Variants in FOCAD observed in about 807,000 individuals in gnomAD.
FOCAD encodes KIAA1797.
Under a neutral mutation model 225.6 loss-of-function variants are expected in FOCAD, and 198 were observed. The ratio of observed to expected loss-of-function variants is 0.88; its 90% confidence interval spans 0.78 to 0.99. FOCAD has a LOEUF of 0.99. FOCAD is among the 50% of genes least tolerant of loss of function. The pLI, the probability that FOCAD is intolerant of heterozygous loss-of-function variation, is 0.00. For missense variants in FOCAD, 2,713 were observed against 2,123.6 expected (o/e 1.28, Z -5.46); for synonymous variants, 897 against 755.0 (o/e 1.19, Z -3.08).
intron 16 of FOCAD, among the ~76,000 whole-genome samples, chr9:20,864,808 A>G (rs942461237): frequency 6.6e-6 from 1 of 152,090 alleles, no homozygotes; most frequent in Non-Finnish European, 1.5e-5. Context: ...AATATAGTCA[A>G]CCCTATTTTT....
At chr9:20,944,535 G>C (rs1836985375) in intron 28 of FOCAD, 92 bp from the exon 29 acceptor site, 1 of 1,428,598 alleles carries the variant, frequency 7.0e-7, no homozygotes, top group East Asian at 2.3e-5. Context: ...ATCTCACCAA[G>C]GTTTGAGAGC....
At chr9:20,776,881 G>A (rs994351941) in intron 8 of FOCAD, among the ~76,000 whole-genome samples, 15 of 152,264 alleles carry the variant, frequency 9.9e-5, no homozygotes, top group African/African-American at 3.1e-4. Flanking sequence ...AAATTAAAAT[G>A]AAATAGAGGA....
At chr9:20,798,095 TTGAGATAATCATG>T (rs1181419368) in intron 11 of FOCAD, among the ~76,000 whole-genome samples, 1 of 152,198 alleles carries the variant, frequency 6.6e-6, no homozygotes, top group Non-Finnish European at 1.5e-5. Flanking sequence ...TCTGCATCTA[TTGAGATAATCATG>T]TGGTTTTTGT....
At chr9:20,665,857 C>A (rs1181437308) in intron 2 of FOCAD, among the ~76,000 whole-genome samples, 4 of 151,766 alleles carry the variant, frequency 2.6e-5, no homozygotes, top group African/African-American at 9.7e-5. Context: ...ATGGTGAAAC[C>A]CTGTCTCTAC....
intron 42 of FOCAD, among the ~76,000 whole-genome samples, chr9:20,991,024 C>A (rs1234213648): frequency 6.6e-6 from 1 of 152,118 alleles, no homozygotes; most frequent in African/African-American, 2.4e-5. Flanking sequence ...AGTCTAGTTC[C>A]TCTTCTGGAG....
Position 20,822,986 on chromosome 9 carries a change from T to C in FOCAD, c.1794-3T>C. ...TTTGCTTTTAAACTTTCATTTCTTGTAGGCCATATCAACATGGTGCAGATA... is the reference window on the plus strand; with the variant it reads ...TTTGCTTTTAAACTTTCATTTCTTGCAGGCCATATCAACATGGTGCAGATA... On this transcript the variant is annotated splice_polypyrimidine_tract_variant and splice_region_variant and intron_variant, in intron 14 of 43. Transcript: ENST00000338382. The C allele has an allele frequency of 1.3e-6, 2 of 1,580,620 alleles. No homozygotes were observed. The highest frequency in any genetic ancestry group is 1.7e-6 in the Non-Finnish European group (2 of 1,168,638).
chr9:20,830,614 G>A (rs1393254042), intron 15 of FOCAD, among the ~76,000 whole-genome samples: 1 of 151,994 alleles, frequency 6.6e-6, no homozygotes, highest in Admixed American at 6.6e-5. Context: ...ACTTTCCGTT[G>A]AATGAAAATA....
At chr9:20,795,779 G>A (rs7872886) in intron 11 of FOCAD, among the ~76,000 whole-genome samples, 3,383 of 66,676 alleles carry the variant, frequency 0.051, 197 homozygotes, top group African/African-American at 0.17. Context: ...GCAAGACTCT[G>A]TCTCGAAAAA....
chr9:20,786,976 G>T, intron 10 of FOCAD: 1 of 479,930 alleles, frequency 2.1e-6, no homozygotes, highest in Middle Eastern at 6.4e-4. Flanking sequence ...GGATTTGGTA[G>T]CTGGTGCTGA....
chr9:20,945,530 A>T (rs551397124), intron 29 of FOCAD, among the ~76,000 whole-genome samples: 1 of 152,252 alleles, frequency 6.6e-6, no homozygotes, highest in Non-Finnish European at 1.5e-5. Flanking sequence ...GCTTTCAGCA[A>T]TAGGACTTGT....
chr9:20,686,245 C>A (rs1182011133), intron 1 of FOCAD, among the ~76,000 whole-genome samples: 1 of 152,208 alleles, frequency 6.6e-6, no homozygotes, highest in Admixed American at 6.5e-5. Context: ...CAACCTCCGC[C>A]TCCCAGGTTC....
intron 21 of FOCAD, among the ~76,000 whole-genome samples, chr9:20,898,143 C>T (rs1326802613): frequency 6.6e-6 from 1 of 151,766 alleles, no homozygotes; most frequent in African/African-American, 2.4e-5. Context: ...ATCTTTCCCT[C>T]TGGCTTTTTT....
At chr9:20,734,065 AT>A (rs1826934613) in intron 4 of FOCAD, among the ~76,000 whole-genome samples, 1 of 152,192 alleles carries the variant, frequency 6.6e-6, no homozygotes, top group Admixed American at 6.5e-5. Flanking sequence ...GATTATAAAT[AT>A]TTTTTAACTA....
intron 4 of FOCAD, among the ~76,000 whole-genome samples, chr9:20,723,455 C>T (rs1011040828): frequency 1.3e-5 from 2 of 152,240 alleles, no homozygotes; most frequent in Non-Finnish European, 2.9e-5. Context: ...AATTGCACCA[C>T]TGCACTCCAG....
At chr9:20,936,337 A>T (rs1437327577) in intron 28 of FOCAD, among the ~76,000 whole-genome samples, 1 of 152,230 alleles carries the variant, frequency 6.6e-6, no homozygotes, top group Non-Finnish European at 1.5e-5. Context: ...TTAGTTTCAG[A>T]CTAACAAAAG....
intron 8 of FOCAD, among the ~76,000 whole-genome samples, chr9:20,777,508 CT>C (rs1379533442): frequency 6.6e-6 from 1 of 151,862 alleles, no homozygotes; most frequent in Non-Finnish European, 1.5e-5. Flanking sequence ...ATATACACAT[CT>C]TTTTTTCATT....
At chr9:20,690,217 T>C (rs1822892907) in intron 1 of FOCAD, among the ~76,000 whole-genome samples, 1 of 152,220 alleles carries the variant, frequency 6.6e-6, no homozygotes, top group Non-Finnish European at 1.5e-5. Flanking sequence ...GCCTCACTTA[T>C]GCACTAGGTC....
At chr9:20,740,902 G>A (rs566990733) in intron 5 of FOCAD, among the ~76,000 whole-genome samples, 1 of 152,252 alleles carries the variant, frequency 6.6e-6, no homozygotes, top group Admixed American at 6.5e-5. Flanking sequence ...GGGAGTTGTG[G>A]TCAAGGGAGG....
In FOCAD at chr9:20,979,357, G is replaced by C. The variant is rs117119191; in HGVS notation, c.4377+903G>C. Reference sequence around the variant, plus strand: ...TTTCTGTTTTTTTGTTGTTGTTTTTGAGACAGTTTCTCGCTCCATAGCCCA... The same window carrying C: ...TTTCTGTTTTTTTGTTGTTGTTTTTCAGACAGTTTCTCGCTCCATAGCCCA... On this transcript the variant is annotated intron_variant, in intron 37 of 43. Transcript: ENST00000338382. Among the ~76,000 whole-genome samples the C allele has an allele frequency of 2.2e-3, 333 of 152,194 alleles. 8 individuals are homozygous for C. In the East Asian group the frequency reaches 0.042, roughly 19 times the overall value.
Sources: allele counts gnomAD v4.1 joint callset (sites outside exome capture counted in the v4.1 genomes callset), GRCh38; gene constraint gnomAD v4.1.1; transcripts MANE v1.5; gene names NCBI Gene and HGNC (gene_info 2026-07-23, HGNC 2026-07-21).